The following SECTM1 variants were observed in gnomAD, a reference collection of about 807,000 sequenced individuals.
The protein encoded by SECTM1 is secreted and transmembrane 1, also known as secreted and transmembrane protein 1.
A neutral mutation model predicts 18.1 loss-of-function variants in SECTM1; 10 were observed. The ratio of observed to expected loss-of-function variants is 0.55; its 90% CI spans 0.34 to 0.94. The LOEUF (loss-of-function observed/expected upper bound fraction) is 0.94. Among genes scored for constraint, SECTM1 ranks in the 40% least tolerant of loss-of-function variants. The probability of loss-of-function intolerance (pLI) is 0.02; values close to 1 mark genes in which losing one functional copy is unlikely to be tolerated. For missense variants in SECTM1, 297 were observed against 322.6 expected, an observed-to-expected ratio of 0.92 and a Z score of 0.61; for synonymous variants, 137 against 139.2, an observed-to-expected ratio of 0.98 and a Z score of 0.11.
Position 82,324,649 on chromosome 17 carries a change from A to T in SECTM1, c.336T>A (p.Ala112=). 1 of 1,613,336 alleles carries T rather than the reference A, an allele frequency of 6.2e-7. No individual in the cohort carries two copies. ...LVIKGARDSH[A]GLYMWHLVGH... ...CCACGAGGTGCCACATGTACAGCCC[A>T]GCATGGGAGTCCCGGGCGCCTTTGA... Residue 112 remains alanine (A), a synonymous_variant, in exon 3 of 5, where the codon GCT becomes GCA. Transcript: ENST00000269389.
In SECTM1 at chr17:82,322,383, G is replaced by T; in HGVS notation, c.538-13C>A. On this transcript the variant is annotated splice_polypyrimidine_tract_variant and intron_variant, in intron 4 of 4. Transcript: ENST00000269389. ...GGAAGAACTTCTTCTGCAGGGGGAG[G>T]AAGGAGGTGCCTGTGTGAGCCGCGC... The T allele has an allele frequency of 1.2e-6, 2 of 1,612,776 alleles. No individual in the cohort carries two copies. The highest frequency in any genetic ancestry group is 1.7e-6 in the Non-Finnish European group (2 of 1,179,252).
rs1469082993 is a variant in SECTM1, at chr17:82,330,511, C to T, written c.-53+3189G>A. Among the ~76,000 whole-genome samples, 1 of 152,160 alleles carries T rather than the reference C, an allele frequency of 6.6e-6. No homozygotes were observed. ...TCAGCCCTGACTCGGCAGAGAGCTG[C>T]ACCCTGAGCCAGACCTCAGCAGCTG... On this transcript the variant is annotated intron_variant, in intron 1 of 4. Transcript: ENST00000269389. This position sits in a 1 kb window ranked among gnomAD's most constrained non-coding sequence, Gnocchi z 6.1.
At chr17:82,332,340 C>CA (rs1307970304) in intron 1 of SECTM1, among the ~76,000 whole-genome samples, 22 of 125,528 alleles carry the variant, frequency 1.8e-4, no homozygotes, top group African/African-American at 8.9e-4. Flanking sequence ...AGTTCACGCA[C>CA]CGCCCAGCAC....
rs1001589682 is a variant in SECTM1, at chr17:82,326,263, G to T, written c.94+884C>A. 1.3e-5 allele frequency among the ~76,000 whole-genome samples: 2 copies of T among 152,200 alleles called. No homozygotes were observed. Among genetic ancestry groups the T allele is most frequent in the African/African-American group, 4.8e-5 (2 of 41,450 alleles). ...TCGTTCTTAGGATTCTGACTGAACT[G>T]CTTTGGGATGTGGTTTGGGATGTGG... is the stretch of plus-strand genomic sequence containing the variant. On this transcript the variant is annotated intron_variant, in intron 2 of 4. Coordinates refer to ENST00000269389, the MANE Select transcript of SECTM1 (RefSeq NM_003004.3). The surrounding 1 kb of genome is among the most constrained non-coding windows in gnomAD (Gnocchi z 4.3).
At chr17:82,322,800 A>G in intron 4 of SECTM1, 78 bp downstream of exon 4, 3 of 1,535,338 alleles carry the variant, frequency 2.0e-6, no homozygotes, top group Non-Finnish European at 2.7e-6. Context: ...GGTGCAGGAC[A>G]GTAAGGCTGA....
chr17:82,324,854 G>A lies in SECTM1; in HGVS notation c.131C>T (p.Ser44Phe). The change falls in exon 3 of 5, where the codon TCT (serine) becomes TTT (phenylalanine). Residue 44 changes from serine (S) to phenylalanine (F), a missense_variant. Ser to Phe is a radical substitution (Grantham distance 155). Coordinates refer to ENST00000269389, the MANE Select transcript of SECTM1 (RefSeq NM_003004.3). ...GACGGTGTTCTCGCCCCAAGACACAGAGACTACCCCCTCTGTGCAGATGGG... is the reference window on the plus strand; with the variant it reads ...GACGGTGTTCTCGCCCCAAGACACAAAGACTACCCCCTCTGTGCAGATGGG... ...DSPICTEGVV[S>F]VSWGENTVMS... 6.2e-7 allele frequency: 1 copy of A among 1,613,920 alleles called. No homozygotes were observed. The highest frequency in any genetic ancestry group is 8.5e-7 in the Non-Finnish European group (1 of 1,179,980).
intron 4 of SECTM1, 26 bp from the exon 5 acceptor site, chr17:82,322,396 G>A (rs773858274): frequency 1.0e-5 from 16 of 1,607,886 alleles, no homozygotes; most frequent in Non-Finnish European, 1.4e-5. Flanking sequence ...GGAGGTGCCT[G>A]TGTGAGCCGC....
chr17:82,321,056 A>T lies in SECTM1; in HGVS notation c.*1105T>A, dbSNP rs1396837598. On this transcript the variant is annotated 3_prime_UTR_variant, in exon 5 of 5. Coordinates refer to ENST00000269389, the MANE Select transcript of SECTM1 (RefSeq NM_003004.3). The stretch of plus-strand genomic sequence containing the variant: ...CAGCACGCGGACGGAACCTTATTTT[A>T]ACCCGAGACACAAACGCGCCCCTCT... The T allele has an allele frequency of 6.6e-6, 1 of 152,050 alleles. No homozygotes were observed. The highest frequency in any genetic ancestry group is 1.5e-5 in the Non-Finnish European group (1 of 68,022). 9.4% of individuals were successfully genotyped at this position (152,050 alleles called of 1,614,324 possible). A position where few individuals can be genotyped will look rare whatever the true frequency, so the allele number is the denominator to read the frequency against.
At position 82,329,662 on chromosome 17, in the gene SECTM1, C is replaced by T. The variant is rs55842196; in HGVS notation, c.-52-2370G>A. ...CATTCTAGATTAGCTGGAAGTCCGA[C>T]GGGGTCTCCCTGGGTTAAAATCAAG... On this transcript the variant is annotated intron_variant, in intron 1 of 4. Coordinates refer to ENST00000269389, the MANE Select transcript of SECTM1 (RefSeq NM_003004.3). This position sits in a 1 kb window ranked among gnomAD's most constrained non-coding sequence, Gnocchi z 7.6. Among the ~76,000 whole-genome samples, 1,007 of 152,100 alleles carry T rather than the reference C, an allele frequency of 6.6e-3. 4 individuals carry two copies. The highest frequency in any genetic ancestry group is 0.01 in the Non-Finnish European group (698 of 67,956).
chr17:82,326,619 A>AAAG lies in SECTM1; in HGVS notation c.94+525_94+527dup, dbSNP rs1440128221. Among the ~76,000 whole-genome samples, 2 of 137,458 alleles carry AAAG rather than the reference A, an allele frequency of 1.5e-5. No homozygotes were observed. The highest frequency in any genetic ancestry group is 7.2e-5 in the Admixed American group (1 of 13,806). 90.2% of individuals were successfully genotyped at this position (137,458 alleles called of 152,430 possible). On this transcript the variant is annotated intron_variant, in intron 2 of 4. Coordinates refer to ENST00000269389, the MANE Select transcript of SECTM1 (RefSeq NM_003004.3). This position sits in a 1 kb window ranked among gnomAD's most constrained non-coding sequence, Gnocchi z 4.3. ...AGAGGTAGAACCCGTCTCAAAAAAA[A>AAAG]AAGATAAGAAAAGAAAAGCCCCTCA...
Position 82,326,960 on chromosome 17 carries a change from G to A in SECTM1, c.94+187C>T, listed in dbSNP as rs2052151079. 6.6e-6 allele frequency among the ~76,000 whole-genome samples: 1 copy of A among 151,850 alleles called. No homozygotes were observed. Among genetic ancestry groups the A allele is most frequent in the Non-Finnish European group, 1.5e-5 (1 of 67,910 alleles). ...CACCACCACCCTCCACCCACGGCGGGACACGGTCCACTCACCGCCACCTGA... is the reference window on the plus strand; with the variant it reads ...CACCACCACCCTCCACCCACGGCGGAACACGGTCCACTCACCGCCACCTGA... On this transcript the variant is annotated intron_variant, in intron 2 of 4. Transcript: ENST00000269389. This position sits in a 1 kb window ranked among gnomAD's most constrained non-coding sequence, Gnocchi z 4.3.
At chr17:82,332,344 C>A (rs1430659268) in intron 1 of SECTM1, among the ~76,000 whole-genome samples, 1 of 152,052 alleles carries the variant, frequency 6.6e-6, no homozygotes, top group Non-Finnish European at 1.5e-5. Context: ...CACGCACCGC[C>A]CAGCACGCCT....
At position 82,330,978 on chromosome 17, in the gene SECTM1, C is replaced by T. The variant is rs901392630; in HGVS notation, c.-53+2722G>A. ...GGTGGCGGCCGCTGCTTCTCACACG[C>T]GGGTCCTCTCACTGCCTCTCCCCGG... On this transcript the variant is annotated intron_variant, in intron 1 of 4. Transcript: ENST00000269389. The surrounding 1 kb of genome is among the most constrained non-coding windows in gnomAD (Gnocchi z 6.1). Among the ~76,000 whole-genome samples, 18 of 152,188 alleles carry T rather than the reference C, an allele frequency of 1.2e-4. No individual in the cohort carries two copies. The highest frequency in any genetic ancestry group is 2.1e-4 in the Non-Finnish European group (14 of 68,034).
At position 82,329,297 on chromosome 17, in the gene SECTM1, A is replaced by C. The variant is rs2052173444; in HGVS notation, c.-52-2005T>G. The C allele has an allele frequency of 6.6e-6, 1 of 152,050 alleles. No homozygotes were observed. The highest frequency in any genetic ancestry group is 1.5e-5 in the Non-Finnish European group (1 of 68,096). 9.4% of individuals were successfully genotyped at this position (152,050 alleles called of 1,614,324 possible). ...CCACGTGGAAGACCCTGCCAGCCGC[A>C]GAGTGCAGGTGTGGGGACACTGTCA... is the stretch of plus-strand genomic sequence containing the variant. On this transcript the variant is annotated intron_variant, in intron 1 of 4. Transcript: ENST00000269389. The surrounding 1 kb of genome is among the most constrained non-coding windows in gnomAD (Gnocchi z 7.6).
chr17:82,324,930 AC>A, intron 2 of SECTM1, 40 bp from the exon 3 acceptor site: 1 of 1,567,070 alleles, frequency 6.4e-7, no homozygotes, highest in Non-Finnish European at 8.7e-7. Flanking sequence ...TCAGGGCTGG[AC>A]CTCAGGGCAT....
At chr17:82,324,510 TGCCCAGG>T in intron 3 of SECTM1, 65 bp downstream of exon 3, 379 of 173,290 alleles carry the variant, frequency 2.2e-3, no homozygotes, top group South Asian at 4.4e-3. Flanking sequence ...GCCCTCCCCC[TGCCCAGG>T]CCCCCTCCCC....
In SECTM1 at chr17:82,329,710, C is replaced by A. The variant is rs2147270421; in HGVS notation, c.-52-2418G>T. On this transcript the variant is annotated intron_variant, in intron 1 of 4. Coordinates refer to ENST00000269389, the MANE Select transcript of SECTM1 (RefSeq NM_003004.3). The surrounding 1 kb of genome is among the most constrained non-coding windows in gnomAD (Gnocchi z 7.6). Reference sequence around the variant, plus strand: ...AAGGGGTGGGTCAGGGTGGTCCCTTCTGGAGGCTCCAGGCGGAATCTGTCC... The same window carrying A: ...AAGGGGTGGGTCAGGGTGGTCCCTTATGGAGGCTCCAGGCGGAATCTGTCC... 6.6e-6 allele frequency among the ~76,000 whole-genome samples: 1 copy of A among 152,164 alleles called. No individual in the cohort carries two copies. The highest frequency in any genetic ancestry group is 1.9e-4 in the East Asian group (1 of 5,174).
At position 82,322,994 on chromosome 17, in the gene SECTM1, C is replaced by T. The variant is rs1350041865; in HGVS notation, c.421G>A (p.Ala141Thr). The change falls in exon 4 of 5, where the codon GCC becomes ACC. Residue 141 changes from alanine (A) to threonine (T), a missense_variant. By Grantham distance (58) the Ala-to-Thr change is moderately conservative. Transcript: ENST00000269389. Reference protein sequence around the residue: ...LEVSGAEPQSAPDTGFWPVPA... With the variant: ...LEVSGAEPQSTPDTGFWPVPA... ...ACAGGCCAGAACCCAGTGTCGGGGG[C>T]GGACTGGGGTTCTGCACCTGAAGGA... is the stretch of plus-strand genomic sequence containing the variant. The T allele has an allele frequency of 1.2e-5, 20 of 1,612,632 alleles. No homozygotes were observed. Among genetic ancestry groups the T allele is most frequent in the African/African-American group, 4.0e-5 (3 of 74,890 alleles).
At position 82,326,951 on chromosome 17, in the gene SECTM1, C is replaced by T. The variant is rs2052150947; in HGVS notation, c.94+196G>A. Among the ~76,000 whole-genome samples the T allele has an allele frequency of 6.6e-6, 1 of 151,974 alleles. No homozygotes were observed. The highest frequency in any genetic ancestry group is 1.5e-5 in the Non-Finnish European group (1 of 67,934). ...CGGCCCACTCACCACCACCCTCCAC[C>T]CACGGCGGGACACGGTCCACTCACC... is the stretch of plus-strand genomic sequence containing the variant. On this transcript the variant is annotated intron_variant, in intron 2 of 4. Transcript: ENST00000269389. This position sits in a 1 kb window ranked among gnomAD's most constrained non-coding sequence, Gnocchi z 4.3.
Sources: allele counts gnomAD v4.1 joint callset (sites outside exome capture counted in the v4.1 genomes callset), GRCh38; gene constraint gnomAD v4.1.1; non-coding constraint Gnocchi (gnomAD v3.1); transcripts MANE v1.5; gene names NCBI Gene and HGNC (gene_info 2026-07-23, HGNC 2026-07-21).